Variants in HBS1L observed in about 807,000 individuals in gnomAD.
The protein encoded by HBS1L is HBS1 like translational GTPase, also known as HBS1-like protein.
Under a neutral mutation model 88.9 loss-of-function variants are expected in HBS1L, and 55 were observed. That is an observed-to-expected ratio of 0.62 (90% CI 0.50 to 0.77). The LOEUF is 0.77. Among genes scored for constraint, HBS1L ranks in the 30% least tolerant of loss-of-function variants. The probability of loss-of-function intolerance (pLI) is 0.00; values close to 1 mark genes in which losing one functional copy is unlikely to be tolerated. For synonymous variants in HBS1L, 267 were observed against 288.5 expected (o/e 0.93, Z 0.76); for missense variants, 741 against 829.3 (o/e 0.89, Z 1.31).
chr6:135,033,695 T>C (rs773977379), intron 4 of HBS1L, among the ~76,000 whole-genome samples: 2 of 152,216 alleles, frequency 1.3e-5, no homozygotes, highest in Non-Finnish European at 2.9e-5. Flanking sequence ...AGGTCTACTA[T>C]ATGGTTTTAA....
rs754967760 is a variant in HBS1L, at chr6:134,987,785, C to T, written c.1090G>A (p.Val364Ile). The T allele has an allele frequency of 2.5e-6, 4 of 1,584,534 alleles. No individual in the cohort carries two copies. The highest frequency in any genetic ancestry group is 2.3e-5 in the East Asian group (1 of 43,132). The change falls in exon 9 of 18, where the codon GTA becomes ATA. Residue 364 changes from valine to isoleucine, a missense_variant. By Grantham distance (29) the Val-to-Ile change is conservative. Transcript: ENST00000367837. ...CTGGCATCTACAACTAAAACAGCTACATCCGCCTAAAGAAGAAAAATAATC... is the reference window on the plus strand; with the variant it reads ...CTGGCATCTACAACTAAAACAGCTATATCCGCCTAAAGAAGAAAAATAATC... ...NMITGAAQAD[V>I]AVLVVDASRG...
At chr6:135,001,481 C>CT (rs1236469114) in intron 5 of HBS1L, among the ~76,000 whole-genome samples, 11 of 150,856 alleles carry the variant, frequency 7.3e-5, no homozygotes, top group African/African-American at 2.0e-4. Flanking sequence ...TTTATTTCCC[C>CT]CCTCTCTCTC....
intron 15 of HBS1L, among the ~76,000 whole-genome samples, chr6:134,970,810 G>A (rs1774460566): frequency 1.3e-5 from 2 of 152,136 alleles, no homozygotes; most frequent in Admixed American, 1.3e-4. Flanking sequence ...ATCCAAACCA[G>A]AACAAAGTTA....
chr6:134,994,241 C>T (rs546169682), intron 7 of HBS1L, among the ~76,000 whole-genome samples: 2 of 151,630 alleles, frequency 1.3e-5, no homozygotes, highest in South Asian at 2.1e-4. Context: ...TTACCACGAC[C>T]GAGAGGTAAT....
rs1776050452 is a variant in HBS1L at position 135,020,764 on chromosome 6, A to C, written c.431-17922T>G. ...CACTCTAAAATCATATCTTTTATATAATAAATTGAAAGACTTAAGTTCCTA... is the reference window on the plus strand; with the variant it reads ...CACTCTAAAATCATATCTTTTATATCATAAATTGAAAGACTTAAGTTCCTA... On this transcript the variant is annotated intron_variant, in intron 4 of 17. Transcript: ENST00000367837. 5.3e-5 allele frequency among the ~76,000 whole-genome samples: 8 copies of C among 152,092 alleles called. No homozygotes were observed. In the South Asian group the frequency reaches 1.7e-3, roughly 32 times the overall value.
rs1184598639 is a variant in HBS1L, at chr6:134,960,711, T to C, written c.*4568A>G. On this transcript the variant is annotated 3_prime_UTR_variant, in exon 18 of 18. Coordinates refer to ENST00000367837, the MANE Select transcript of HBS1L (RefSeq NM_006620.4). ...AAATTCAAATCATGGTTCCATAATT[T>C]ATTTACTAGTTTTTAGCAATCCCTC... 6.6e-6 allele frequency: 1 copy of C among 152,170 alleles called. No individual in the cohort carries two copies. Among genetic ancestry groups the C allele is most frequent in the Non-Finnish European group, 1.5e-5 (1 of 68,014 alleles). The allele number at this position is 152,170 out of a possible 1,614,324, so 9.4% of individuals were successfully genotyped here.
At chr6:134,988,697 A>G (rs1775049760) in intron 8 of HBS1L, among the ~76,000 whole-genome samples, 1 of 152,216 alleles carries the variant, frequency 6.6e-6, no homozygotes. Context: ...TGAGAAGCGC[A>G]TCCTCAAATA....
intron 15 of HBS1L, among the ~76,000 whole-genome samples, chr6:134,971,589 T>C (rs1265450835): frequency 1.3e-5 from 2 of 152,220 alleles, no homozygotes; most frequent in African/African-American, 2.4e-5. Flanking sequence ...ATCTCCTCAG[T>C]ATCTTGCAAA....
intron 5 of HBS1L, among the ~76,000 whole-genome samples, chr6:135,002,091 TAG>T (rs1775478322): frequency 6.6e-6 from 1 of 152,084 alleles, no homozygotes; most frequent in Non-Finnish European, 1.5e-5. Flanking sequence ...TGAAAAATTT[TAG>T]AGTTTAAAAA....
At chr6:135,009,800 ATTT>A (rs67876204) in intron 4 of HBS1L, among the ~76,000 whole-genome samples, 3 of 143,598 alleles carry the variant, frequency 2.1e-5, no homozygotes, top group South Asian at 2.2e-4. Flanking sequence ...CGCCCAGCTA[ATTT>A]TTTTTTTTTT....
At chr6:135,045,785 G>A (rs1183070845) in intron 2 of HBS1L, among the ~76,000 whole-genome samples, 1 of 151,636 alleles carries the variant, frequency 6.6e-6, no homozygotes, top group African/African-American at 2.4e-5. Flanking sequence ...GTTGAGGTGA[G>A]CCGAGATCGT....
At chr6:135,040,838 G>A (rs559026563) in intron 3 of HBS1L, among the ~76,000 whole-genome samples, 4 of 151,904 alleles carry the variant, frequency 2.6e-5, no homozygotes, top group Non-Finnish European at 5.9e-5. Flanking sequence ...GGTAACTAGG[G>A]GCCAATGAAT....
At position 134,965,196 on chromosome 6, in the gene HBS1L, T is replaced by C. The variant is rs1774275923; in HGVS notation, c.*83A>G. The C allele has an allele frequency of 9.1e-7, 1 of 1,096,564 alleles. No homozygotes were observed. Among genetic ancestry groups the C allele is most frequent in the Non-Finnish European group, 1.4e-6 (1 of 713,848 alleles). The allele number at this position is 1,096,564 out of a possible 1,614,324, so 67.9% of individuals were successfully genotyped here. ...CTAAAAACATATCAATTGCACATTG[T>C]TCCTTTGACTTAATAACTGCATTCT... is the stretch of plus-strand genomic sequence containing the variant. On this transcript the variant is annotated 3_prime_UTR_variant, in exon 18 of 18. Transcript: ENST00000367837.
At position 135,042,055 on chromosome 6, in the gene HBS1L, G is replaced by T. The variant is rs969836520; in HGVS notation, c.181C>A (p.Leu61Met). 3 of 1,612,524 alleles carry T rather than the reference G, an allele frequency of 1.9e-6. No homozygotes were observed. The highest frequency in any genetic ancestry group is 2.5e-6 in the Non-Finnish European group (3 of 1,178,992). ...EPVEEYDYED[L>M]KESSNSVSNH... ...GAAACAGAATTGGAAGATTCTTTCA[G>T]ATCTTCATAATCATATTCTTCCACA... Residue 61 changes from leucine to methionine, a missense_variant, in exon 3 of 18, where the codon CTG (leucine) becomes ATG (methionine). By Grantham distance (15) the Leu-to-Met change is conservative (BLOSUM62 2). Transcript: ENST00000367837.
At position 134,963,813 on chromosome 6, in the gene HBS1L, C is replaced by G. The variant is rs1336378039; in HGVS notation, c.*1466G>C. 6.6e-6 allele frequency: 1 copy of G among 152,094 alleles called. No individual in the cohort carries two copies. The allele number at this position is 152,094 out of a possible 1,614,324, so 9.4% of individuals were successfully genotyped here. A position where few individuals can be genotyped will look rare whatever the true frequency, so the allele number is the denominator to read the frequency against. On this transcript the variant is annotated 3_prime_UTR_variant, in exon 18 of 18. Coordinates refer to ENST00000367837, the MANE Select transcript of HBS1L (RefSeq NM_006620.4). ...GCTAACATTGTGTGAGCTGCTCGAT[C>G]TAAATGGAATCAAAGCTAGAGCTAC...
At chr6:135,015,030 G>T (rs192920095) in intron 4 of HBS1L, among the ~76,000 whole-genome samples, 126 of 152,066 alleles carry the variant, frequency 8.3e-4, no homozygotes, top group African/African-American at 2.9e-3. Context: ...GCAAGACCCT[G>T]TCTCAAAAAA....
At chr6:134,966,677 G>C (rs879375686) in intron 16 of HBS1L, among the ~76,000 whole-genome samples, 1 of 147,572 alleles carries the variant, frequency 6.8e-6, no homozygotes, top group Non-Finnish European at 1.5e-5. Flanking sequence ...CTAGATTTAA[G>C]AAACATTAGG....
intron 4 of HBS1L, among the ~76,000 whole-genome samples, chr6:135,013,721 A>G (rs1449554762): frequency 6.6e-6 from 1 of 152,220 alleles, no homozygotes; most frequent in East Asian, 1.9e-4. Context: ...AAGAGACTTT[A>G]CTTTAAAAGA....
intron 4 of HBS1L, among the ~76,000 whole-genome samples, chr6:135,011,068 A>C (rs539899372): frequency 6.6e-6 from 1 of 152,322 alleles, no homozygotes; most frequent in South Asian, 2.1e-4. Context: ...TATACTGGGA[A>C]CACTGGCAAT....
Sources: allele counts gnomAD v4.1 joint callset (sites outside exome capture counted in the v4.1 genomes callset), GRCh38; gene constraint gnomAD v4.1.1; transcripts MANE v1.5; gene names NCBI Gene and HGNC (gene_info 2026-07-23, HGNC 2026-07-21).